Variants in CRPPA observed in about 807,000 individuals in gnomAD.
CRPPA encodes the protein D-ribitol-5-phosphate cytidylyltransferase.
A neutral mutation model predicts 52.0 loss-of-function variants in CRPPA; 43 were observed. The observed-to-expected ratio is 0.83, with a 90% CI of 0.65 to 1.07. The LOEUF (loss-of-function observed/expected upper bound fraction) is 1.07, where lower values mean the gene tolerates loss of function less well. Among genes scored for constraint, CRPPA ranks in the 50% least tolerant of loss-of-function variants. The probability of loss-of-function intolerance (pLI) is 0.00; values close to 1 mark genes in which losing one functional copy is unlikely to be tolerated. For missense variants in CRPPA, 629 were observed against 551.7 expected (o/e 1.14, Z -1.40); for synonymous variants, 250 against 203.5 (o/e 1.23, Z -1.94).
chr7:16,370,075 A>G (rs1428136177), intron 3 of CRPPA, among the ~76,000 whole-genome samples: 1 of 152,222 alleles, frequency 6.6e-6, no homozygotes, highest in Non-Finnish European at 1.5e-5. Context: ...AGTCTCCAGC[A>G]CTAGCCAAGG....
intron 3 of CRPPA, among the ~76,000 whole-genome samples, chr7:16,344,241 G>T (rs950180916): frequency 6.6e-6 from 1 of 151,906 alleles, no homozygotes; most frequent in African/African-American, 2.4e-5. Flanking sequence ...AAGAGAAACT[G>T]TCCTGCAGAA....
chr7:16,177,836 G>C (rs1781333178), intron 9 of CRPPA, among the ~76,000 whole-genome samples: 1 of 151,818 alleles, frequency 6.6e-6, no homozygotes, highest in Admixed American at 6.6e-5. Context: ...TTCTTACATA[G>C]GCCACCAAAT....
chr7:16,344,446 T>C (rs1050999116), intron 3 of CRPPA, among the ~76,000 whole-genome samples: 7 of 149,298 alleles, frequency 4.7e-5, no homozygotes, highest in African/African-American at 1.7e-4. Flanking sequence ...TATGGTGGCA[T>C]GTGCCTAGTC....
At chr7:16,376,885 C>T (rs1192136401) in intron 2 of CRPPA, among the ~76,000 whole-genome samples, 1 of 152,154 alleles carries the variant, frequency 6.6e-6, no homozygotes, top group Non-Finnish European at 1.5e-5. Context: ...GACAATTTTT[C>T]CCTTTATCTT....
intron 2 of CRPPA, among the ~76,000 whole-genome samples, chr7:16,394,591 G>GT (rs1373012377): frequency 1.3e-5 from 2 of 152,130 alleles, no homozygotes; most frequent in African/African-American, 2.4e-5. Context: ...TTCTTCAGTA[G>GT]TTTTTTAAAA....
chr7:16,354,211 A>G (rs1246233198), intron 3 of CRPPA, among the ~76,000 whole-genome samples: 1 of 152,182 alleles, frequency 6.6e-6, no homozygotes, highest in Admixed American at 6.5e-5. Context: ...TCCTTTTATC[A>G]AAAATAATTT....
At chr7:16,168,832 C>T (rs753128183) in intron 9 of CRPPA, among the ~76,000 whole-genome samples, 14 of 152,122 alleles carry the variant, frequency 9.2e-5, no homozygotes, top group Non-Finnish European at 1.9e-4. Context: ...TTTACACAAG[C>T]ATTAATGAAA....
chr7:16,175,967 T>C (rs1781287747), intron 9 of CRPPA, among the ~76,000 whole-genome samples: 1 of 148,500 alleles, frequency 6.7e-6, no homozygotes, highest in African/African-American at 2.6e-5. Flanking sequence ...AATATCTAAA[T>C]GTAGCCTTAA....
intron 2 of CRPPA, among the ~76,000 whole-genome samples, chr7:16,391,940 A>G (rs1175598913): frequency 6.6e-6 from 1 of 152,146 alleles, no homozygotes; most frequent in Non-Finnish European, 1.5e-5. Flanking sequence ...ATCTGAAGAA[A>G]TTTCAAGATG....
At chr7:16,147,361 C>T (rs10272023) in intron 9 of CRPPA, among the ~76,000 whole-genome samples, 3,284 of 152,246 alleles carry the variant, frequency 0.022, 119 homozygotes, top group African/African-American at 0.075. Flanking sequence ...CCCTTCTATA[C>T]ACTCCCAGGG....
intron 3 of CRPPA, among the ~76,000 whole-genome samples, chr7:16,337,698 TACC>T (rs1396519929): frequency 1.3e-5 from 2 of 152,086 alleles, no homozygotes; most frequent in Non-Finnish European, 2.9e-5. Flanking sequence ...TTATAACTGA[TACC>T]ACCAAAATAC....
chr7:16,255,654 C>A (rs537204112), intron 8 of CRPPA, among the ~76,000 whole-genome samples: 2 of 152,312 alleles, frequency 1.3e-5, no homozygotes, highest in African/African-American at 4.8e-5. Context: ...CTACAACCAT[C>A]TGATCTTTCA....
chr7:16,350,174 G>C (rs926136958), intron 3 of CRPPA, among the ~76,000 whole-genome samples: 1 of 151,772 alleles, frequency 6.6e-6, no homozygotes, highest in Non-Finnish European at 1.5e-5. Context: ...AAAATGAAGA[G>C]GTAATAAAGA....
rs536499742 is a variant in CRPPA at position 16,089,422 on chromosome 7, T to C, written c.*2273A>G. ...CATAATGTGTATATATGTACGTACA[T>C]ACATATATGTGTATATATGTACGTG... On this transcript the variant is annotated 3_prime_UTR_variant, in exon 10 of 10. Coordinates refer to ENST00000407010, the MANE Select transcript of CRPPA (RefSeq NM_001101426.4). The C allele has an allele frequency of 2.8e-5, 9 of 325,826 alleles. No homozygotes were observed. The highest frequency in any genetic ancestry group is 2.7e-5 in the Non-Finnish European group (4 of 145,732). 20.2% of individuals were successfully genotyped at this position (325,826 alleles called of 1,614,324 possible).
Position 16,397,168 on chromosome 7 carries a change from T to C in CRPPA, c.534+8893A>G, listed in dbSNP as rs573950040. On this transcript the variant is annotated intron_variant, in intron 2 of 9. Coordinates refer to ENST00000407010, the MANE Select transcript of CRPPA (RefSeq NM_001101426.4). ...GTCTGACACATTAGCAAAATGCCAA[T>C]GACACGACACATTATCAAAACGTGA... 4.6e-5 allele frequency among the ~76,000 whole-genome samples: 7 copies of C among 152,348 alleles called. No individual in the cohort carries two copies. In the South Asian group the frequency reaches 8.3e-4, roughly 18 times the overall value.
intron 5 of CRPPA, among the ~76,000 whole-genome samples, chr7:16,283,061 T>A (rs1473536019): frequency 6.6e-6 from 1 of 151,994 alleles, no homozygotes; most frequent in Non-Finnish European, 1.5e-5. Flanking sequence ...TAGCCTATAT[T>A]TTTGTCCAAA....
chr7:16,346,671 G>A (rs1583537215), intron 3 of CRPPA, among the ~76,000 whole-genome samples: 1 of 152,228 alleles, frequency 6.6e-6, no homozygotes, highest in Non-Finnish European at 1.5e-5. Flanking sequence ...TCTCATAGAT[G>A]TGAAGTATAC....
intron 8 of CRPPA, among the ~76,000 whole-genome samples, chr7:16,217,201 G>T (rs1338723913): frequency 2.0e-4 from 29 of 143,410 alleles, no homozygotes; most frequent in African/African-American, 6.7e-4. Flanking sequence ...CACACGGCAG[G>T]GTATTCCAAC....
At chr7:16,242,652 T>C (rs1487164617) in intron 8 of CRPPA, among the ~76,000 whole-genome samples, 2 of 152,164 alleles carry the variant, frequency 1.3e-5, no homozygotes, top group African/African-American at 2.4e-5. Context: ...TCAAACATAA[T>C]TCTGATAGAA....
Sources: allele counts gnomAD v4.1 joint callset (sites outside exome capture counted in the v4.1 genomes callset), GRCh38; gene constraint gnomAD v4.1.1; transcripts MANE v1.5; gene names NCBI Gene and HGNC (gene_info 2026-07-23, HGNC 2026-07-21).